The following TNFRSF11A variants were observed in gnomAD, a reference collection of about 807,000 sequenced individuals.
TNFRSF11A encodes TNF receptor superfamily member 11a.
TNFRSF11A carries 32 observed loss-of-function variants against 55.7 expected under a neutral mutation model. The observed-to-expected ratio is 0.57, with a 90% CI of 0.43 to 0.77. The LOEUF (loss-of-function observed/expected upper bound fraction) is 0.77, where lower values mean the gene tolerates loss of function less well. Among genes scored for constraint, TNFRSF11A ranks in the 30% least tolerant of loss-of-function variants. TNFRSF11A has a pLI of 0.00. For synonymous variants in TNFRSF11A, 311 were observed against 331.0 expected (o/e 0.94, Z 0.65); for missense variants, 753 against 809.8 (o/e 0.93, Z 0.85).
rs553871168 is a variant in TNFRSF11A, at chr18:62,373,743, G to A, written c.1567+4259G>A. Among the ~76,000 whole-genome samples, 358 of 152,282 alleles carry A rather than the reference G, an allele frequency of 2.4e-3. 1 individual carries two copies. The highest frequency in any genetic ancestry group is 8.1e-3 in the African/African-American group (335 of 41,552). On this transcript the variant is annotated intron_variant, in intron 9 of 9. Coordinates refer to ENST00000586569, the MANE Select transcript of TNFRSF11A (RefSeq NM_003839.4). ...GAGGAGGCAGAAGTGACAGAGCACA[G>A]GTGAGCTGGTTCATCCTAGCATTAT...
At position 62,359,940 on chromosome 18, in the gene TNFRSF11A, C is replaced by T. The variant is rs1393132687; in HGVS notation, c.522-15C>T. On this transcript the variant is annotated splice_polypyrimidine_tract_variant and intron_variant, in intron 5 of 9. Coordinates refer to ENST00000586569, the MANE Select transcript of TNFRSF11A (RefSeq NM_003839.4). ...CTTATAAAACCAAAGCACTGAACCA[C>T]CTTTTCCCCCACAGCTGTACCTTCC... The T allele has an allele frequency of 6.2e-7, 1 of 1,611,678 alleles. No individual in the cohort carries two copies.
intron 1 of TNFRSF11A, among the ~76,000 whole-genome samples, chr18:62,342,137 A>G (rs2046320297): frequency 6.6e-6 from 1 of 151,752 alleles, no homozygotes; most frequent in Non-Finnish European, 1.5e-5. Flanking sequence ...GTGGTGTCTC[A>G]CGCCTGTAAT....
At chr18:62,349,339 G>A (rs761582840) in intron 2 of TNFRSF11A, among the ~76,000 whole-genome samples, 1 of 151,802 alleles carries the variant, frequency 6.6e-6, no homozygotes, top group Non-Finnish European at 1.5e-5. Context: ...CTGCCACCAC[G>A]CCTGGCTGAT....
At chr18:62,382,407 G>A (rs757784574) in intron 9 of TNFRSF11A, among the ~76,000 whole-genome samples, 3 of 152,014 alleles carry the variant, frequency 2.0e-5, no homozygotes, top group Non-Finnish European at 2.9e-5. Flanking sequence ...CACCGCGCCC[G>A]GCCTCCTGAG....
intron 4 of TNFRSF11A, chr18:62,357,897 G>A: frequency 3.3e-6 from 1 of 302,972 alleles, no homozygotes; most frequent in South Asian, 3.5e-5. Flanking sequence ...CCCAGACTAG[G>A]AAACAAAGTG....
intron 8 of TNFRSF11A, among the ~76,000 whole-genome samples, chr18:62,367,663 G>C (rs1046473431): frequency 6.6e-6 from 1 of 151,760 alleles, no homozygotes; most frequent in Non-Finnish European, 1.5e-5. Flanking sequence ...TATAACCATA[G>C]TACATGTATC....
chr18:62,367,876 C>T (rs1401748500), intron 8 of TNFRSF11A, among the ~76,000 whole-genome samples: 2 of 146,214 alleles, frequency 1.4e-5, no homozygotes, highest in Non-Finnish European at 3.0e-5. Flanking sequence ...TCACTGCAAC[C>T]TCTGCCTCCC....
At chr18:62,347,768 G>A (rs554269768) in intron 1 of TNFRSF11A, among the ~76,000 whole-genome samples, 8 of 152,112 alleles carry the variant, frequency 5.3e-5, no homozygotes, top group African/African-American at 1.9e-4. Context: ...CAAAAATTAG[G>A]TGGTGCGTGG....
At chr18:62,346,648 A>C (rs1393823542) in intron 1 of TNFRSF11A, among the ~76,000 whole-genome samples, 1 of 152,168 alleles carries the variant, frequency 6.6e-6, no homozygotes, top group Non-Finnish European at 1.5e-5. Context: ...CAGCCTCCTC[A>C]TAACCCCTTT....
At chr18:62,333,721 G>A (rs1449870202) in intron 1 of TNFRSF11A, among the ~76,000 whole-genome samples, 2 of 152,170 alleles carry the variant, frequency 1.3e-5, no homozygotes, top group African/African-American at 4.8e-5. Context: ...TCTGTGATGG[G>A]GTAGGGAGTA....
rs768515742 is a variant in TNFRSF11A, at chr18:62,368,787, G to A, written c.870G>A (p.Leu290=). 6.2e-7 allele frequency: 1 copy of A among 1,614,164 alleles called. No homozygotes were observed. The change falls in exon 9 of 10, where the codon CTG becomes CTA. Residue 290 remains leucine, a synonymous_variant. Coordinates refer to ENST00000586569, the MANE Select transcript of TNFRSF11A (RefSeq NM_003839.4). ...GACEGVLLLT[L]EEKTFPEDMC... is the part of the protein sequence containing the mutation. ...GTGAAGGTGTCTTACTGCTGACTCT[G>A]GAGGAGAAGACATTTCCAGAAGATA... is the stretch of plus-strand genomic sequence containing the variant.
At chr18:62,381,059 C>T (rs1366921745) in intron 9 of TNFRSF11A, among the ~76,000 whole-genome samples, 1 of 152,160 alleles carries the variant, frequency 6.6e-6, no homozygotes, top group African/African-American at 2.4e-5. Flanking sequence ...CCACTTCGGC[C>T]TCCCAAAATG....
intron 1 of TNFRSF11A, among the ~76,000 whole-genome samples, chr18:62,341,110 C>G (rs1326232412): frequency 6.6e-6 from 1 of 152,210 alleles, no homozygotes; most frequent in African/African-American, 2.4e-5. Flanking sequence ...TAACAGAAAT[C>G]ACAGATATAA....
intron 3 of TNFRSF11A, 104 bp downstream of exon 3, chr18:62,350,041 A>T: frequency 6.6e-7 from 1 of 1,514,104 alleles, no homozygotes; most frequent in Non-Finnish European, 9.0e-7. Flanking sequence ...CGTTTCAGGA[A>T]CATGAAAGGA....
At chr18:62,349,732 T>A in intron 2 of TNFRSF11A, 80 bp from the exon 3 acceptor site, 1 of 1,558,466 alleles carries the variant, frequency 6.4e-7, no homozygotes, top group Non-Finnish European at 8.8e-7. Context: ...ATGGGTGCAA[T>A]TTTTGTTGCT....
In TNFRSF11A at chr18:62,338,367, A is replaced by C. The variant is rs185885254; in HGVS notation, c.76-9801A>C. On this transcript the variant is annotated intron_variant, in intron 1 of 9. Coordinates refer to ENST00000586569, the MANE Select transcript of TNFRSF11A (RefSeq NM_003839.4). ...ACAGGGATTCAGATACTTGTGTGCCAGTGTTCATTGCAGGATTATTCACTG... is the reference window on the plus strand; with the variant it reads ...ACAGGGATTCAGATACTTGTGTGCCCGTGTTCATTGCAGGATTATTCACTG... Among the ~76,000 whole-genome samples the C allele has an allele frequency of 3.5e-4, 53 of 152,376 alleles. No homozygotes were observed. In the East Asian group the frequency reaches 7.3e-3, roughly 21 times the overall value.
chr18:62,350,438 A>AC (rs893559243), intron 3 of TNFRSF11A, among the ~76,000 whole-genome samples: 3 of 151,824 alleles, frequency 2.0e-5, no homozygotes, highest in African/African-American at 4.8e-5. Flanking sequence ...GACTACAGGC[A>AC]CCCCCCACCA....
chr18:62,346,824 C>T (rs1288658762), intron 1 of TNFRSF11A, among the ~76,000 whole-genome samples: 1 of 152,218 alleles, frequency 6.6e-6, no homozygotes, highest in Admixed American at 6.5e-5. Context: ...TCTCTGCGCC[C>T]TCCATCCGAG....
chr18:62,354,594 G>C, intron 4 of TNFRSF11A, 60 bp downstream of exon 4: 1 of 1,597,672 alleles, frequency 6.3e-7, no homozygotes, highest in South Asian at 1.1e-5. Context: ...CCAGCTTTGA[G>C]ACAGTCTTGA....
Sources: gnomAD v4.1 joint callset for allele counts (sites outside exome capture counted in the v4.1 genomes callset) on GRCh38, gnomAD v4.1.1 for gene constraint, MANE v1.5 for transcripts, NCBI Gene and HGNC (gene_info 2026-07-23, HGNC 2026-07-21) for gene names.